Variants in CHL1 observed in about 807,000 individuals in gnomAD.
CHL1 encodes the protein neural cell adhesion molecule L1-like protein.
CHL1 carries 96 observed loss-of-function variants against 141.9 expected under a neutral mutation model. The observed-to-expected ratio is 0.68, with a 90% CI of 0.57 to 0.80. The LOEUF is 0.80. CHL1 is among the 30% of genes least tolerant of loss of function. The pLI is 0.00. For missense variants in CHL1, 1,820 were observed against 1,457.2 expected, an observed-to-expected ratio of 1.25 and a Z score of -4.05; for synonymous variants, 613 against 502.2, an observed-to-expected ratio of 1.22 and a Z score of -2.95.
chr3:285,260 C>T (rs531220599), intron 2 of CHL1, among the ~76,000 whole-genome samples: 1 of 152,282 alleles, frequency 6.6e-6, no homozygotes, highest in South Asian at 2.1e-4. Context: ...AAAATACAAC[C>T]TTGTTTGAGG....
At chr3:401,396 T>C (rs1375958780) in intron 26 of CHL1, among the ~76,000 whole-genome samples, 2 of 152,190 alleles carry the variant, frequency 1.3e-5, no homozygotes, top group East Asian at 1.9e-4. Context: ...ATATGCAACA[T>C]GCTGCAGGTG....
chr3:198,265 G>A (rs947047426), intron 1 of CHL1, among the ~76,000 whole-genome samples: 28 of 152,112 alleles, frequency 1.8e-4, no homozygotes, highest in African/African-American at 6.5e-4. Flanking sequence ...CTCCTCGAAG[G>A]GCGCCGGCGT....
At chr3:291,929 G>A (rs1448862318) in intron 2 of CHL1, among the ~76,000 whole-genome samples, 1 of 152,134 alleles carries the variant, frequency 6.6e-6, no homozygotes, top group African/African-American at 2.4e-5. Context: ...TATAACCTTT[G>A]TGTGTTTGGA....
chr3:319,299 A>T (rs1472898048), intron 2 of CHL1, among the ~76,000 whole-genome samples: 1 of 151,768 alleles, frequency 6.6e-6, no homozygotes, highest in Non-Finnish European at 1.5e-5. Context: ...TGATGGAATC[A>T]TGTATACACC....
At chr3:274,505 C>CAAA (rs1272615202) in intron 2 of CHL1, among the ~76,000 whole-genome samples, 2 of 152,188 alleles carry the variant, frequency 1.3e-5, no homozygotes, top group Non-Finnish European at 2.9e-5. Context: ...GGGGAAATAA[C>CAAA]TGCTTTTCAA....
At chr3:299,716 C>T (rs146090440) in intron 2 of CHL1, among the ~76,000 whole-genome samples, 124 of 152,232 alleles carry the variant, frequency 8.1e-4, no homozygotes, top group African/African-American at 2.9e-3. Context: ...GTGAGCTCCC[C>T]TAGGCTTCGA....
chr3:353,321 T>C (rs1703423506), intron 10 of CHL1, among the ~76,000 whole-genome samples: 1 of 152,196 alleles, frequency 6.6e-6, no homozygotes, highest in South Asian at 2.1e-4. Flanking sequence ...CTTACAGATA[T>C]TTAGTTTTAT....
At chr3:267,823 G>A (rs193101282) in intron 2 of CHL1, among the ~76,000 whole-genome samples, 2 of 152,264 alleles carry the variant, frequency 1.3e-5, no homozygotes, top group East Asian at 1.9e-4. Flanking sequence ...GATTTAAAAT[G>A]TGAACTATTT....
At chr3:335,352 C>T (rs1405989763) in intron 5 of CHL1, among the ~76,000 whole-genome samples, 2 of 152,222 alleles carry the variant, frequency 1.3e-5, no homozygotes, top group Non-Finnish European at 2.9e-5. Flanking sequence ...GGTGTCCTTC[C>T]TTAGCATGAA....
At position 337,552 on chromosome 3, in the gene CHL1, T is replaced by C. The variant is rs1408040902; in HGVS notation, c.386-3242T>C. Among the ~76,000 whole-genome samples, 104 of 148,308 alleles carry C rather than the reference T, an allele frequency of 7.0e-4. No homozygotes were observed. The Middle Eastern group carries it at 0.01, about 15-fold the overall frequency. On this transcript the variant is annotated intron_variant, in intron 5 of 27. Transcript: ENST00000256509. ...CCACAACAGGCCCCGGTGTGTGATG[T>C]CCCCCTTCCTATGTCCAAGTGTTCT...
intron 5 of CHL1, among the ~76,000 whole-genome samples, chr3:328,866 A>T (rs1461506132): frequency 6.6e-6 from 1 of 152,138 alleles, no homozygotes; most frequent in Non-Finnish European, 1.5e-5. Context: ...ACTGGCTCTT[A>T]AATGCTTCTG....
chr3:383,083 T>C (rs947943488), intron 18 of CHL1, among the ~76,000 whole-genome samples: 1 of 152,214 alleles, frequency 6.6e-6, no homozygotes, highest in African/African-American at 2.4e-5. Context: ...ATCTCAAGGA[T>C]GACTGCTAAA....
At chr3:208,323 A>T (rs959243126) in intron 1 of CHL1, among the ~76,000 whole-genome samples, 1 of 147,740 alleles carries the variant, frequency 6.8e-6, no homozygotes, top group Non-Finnish European at 1.5e-5. Context: ...CAGTAAAACA[A>T]TCTGCCACAG....
intron 1 of CHL1, among the ~76,000 whole-genome samples, chr3:199,929 G>A (rs1033095369): frequency 5.3e-5 from 8 of 152,132 alleles, no homozygotes; most frequent in African/African-American, 1.9e-4. Context: ...GGGAACTACT[G>A]GTGTCAGATT....
intron 9 of CHL1, 104 bp downstream of exon 9, chr3:344,813 T>A (rs1702629701): frequency 3.3e-6 from 4 of 1,227,636 alleles, no homozygotes; most frequent in African/African-American, 1.5e-5. Context: ...TTAAAATTAT[T>A]TCCTTAAAAA....
At chr3:225,961 A>AT (rs1452634768) in intron 1 of CHL1, among the ~76,000 whole-genome samples, 2 of 151,408 alleles carry the variant, frequency 1.3e-5, no homozygotes, top group Non-Finnish European at 1.5e-5. Flanking sequence ...GTGAGCCGAG[A>AT]TAGCACCAGT....
At chr3:293,755 G>A (rs966110977) in intron 2 of CHL1, among the ~76,000 whole-genome samples, 1 of 151,630 alleles carries the variant, frequency 6.6e-6, no homozygotes, top group East Asian at 1.9e-4. Flanking sequence ...ATTTACTTAT[G>A]TGTGTTAAAT....
chr3:365,949 G>T lies in CHL1; in HGVS notation c.1586-1G>T. 6.2e-7 allele frequency: 1 copy of T among 1,611,098 alleles called. No homozygotes were observed. The highest frequency in any genetic ancestry group is 8.5e-7 in the Non-Finnish European group (1 of 1,178,120). On this transcript the variant is annotated splice_acceptor_variant, in intron 14 of 27. Coordinates refer to ENST00000256509, the MANE Select transcript of CHL1 (RefSeq NM_006614.4). LOFTEE classifies it high-confidence loss of function. The stretch of plus-strand genomic sequence containing the variant: ...CTAATATCTTTGTTTGGTAAAAACA[G>T]ATGCTACAAAACTTAGAGTTTCTCC...
At chr3:400,181 G>T (rs975346382) in intron 26 of CHL1, among the ~76,000 whole-genome samples, 1 of 152,090 alleles carries the variant, frequency 6.6e-6, no homozygotes, top group Admixed American at 6.6e-5. Context: ...TTCATTACTG[G>T]CTTATGATTT....
Sources: gnomAD v4.1 joint callset for allele counts (sites outside exome capture counted in the v4.1 genomes callset) on GRCh38, gnomAD v4.1.1 for gene constraint, MANE v1.5 for transcripts, NCBI Gene and HGNC (gene_info 2026-07-23, HGNC 2026-07-21) for gene names.